Variants in IMMP2L observed in about 807,000 individuals in gnomAD.
IMMP2L encodes mitochondrial inner membrane protease subunit 2.
In IMMP2L, 18 loss-of-function variants were observed where a neutral mutation model predicts 19.3. That is an observed-to-expected ratio of 0.93 (90% CI 0.64 to 1.38). IMMP2L has a LOEUF of 1.38. Ranked by LOEUF, IMMP2L falls within the 40% of genes most tolerant of loss-of-function variation. The pLI is 0.00. For missense variants in IMMP2L, 233 were observed against 218.2 expected, an observed-to-expected ratio of 1.07 and a Z score of -0.43; for synonymous variants, 76 against 73.0, an observed-to-expected ratio of 1.04 and a Z score of -0.21.
chr7:110,810,419 T>C (rs567378891), intron 5 of IMMP2L, among the ~76,000 whole-genome samples: 1 of 152,024 alleles, frequency 6.6e-6, no homozygotes, highest in Non-Finnish European at 1.5e-5. Flanking sequence ...ATTCCAAACA[T>C]CTTAATATAC....
chr7:111,328,988 G>T (rs926564824), intron 3 of IMMP2L, among the ~76,000 whole-genome samples: 4 of 151,734 alleles, frequency 2.6e-5, no homozygotes, highest in Non-Finnish European at 4.4e-5. Flanking sequence ...ACCTTGGTAA[G>T]ATCTCAGAAT....
intron 1 of IMMP2L, among the ~76,000 whole-genome samples, chr7:111,555,065 T>G (rs1791108560): frequency 2.0e-5 from 3 of 152,102 alleles, no homozygotes; most frequent in Admixed American, 1.3e-4. Context: ...ATAAATGCAT[T>G]AAGATCAGAT....
At chr7:110,980,913 T>TA (rs1821232739) in intron 3 of IMMP2L, among the ~76,000 whole-genome samples, 1 of 152,156 alleles carries the variant, frequency 6.6e-6, no homozygotes, top group Admixed American at 6.5e-5. Context: ...TGAAAAGAAA[T>TA]AAAATATTTG....
intron 5 of IMMP2L, among the ~76,000 whole-genome samples, chr7:110,788,981 C>T (rs1485651073): frequency 6.6e-6 from 1 of 151,758 alleles, no homozygotes; most frequent in Non-Finnish European, 1.5e-5. Flanking sequence ...GTCAGTCAGT[C>T]TTGGAACTTA....
intron 4 of IMMP2L, among the ~76,000 whole-genome samples, chr7:110,922,856 C>G (rs1319711182): frequency 2.0e-5 from 3 of 152,142 alleles, no homozygotes; most frequent in Non-Finnish European, 4.4e-5. Flanking sequence ...GATTGATTGT[C>G]AAGACCTTCA....
chr7:111,259,687 T>C (rs1817105075), intron 3 of IMMP2L, among the ~76,000 whole-genome samples: 1 of 151,946 alleles, frequency 6.6e-6, no homozygotes, highest in Non-Finnish European at 1.5e-5. Context: ...TAAGCTTAAC[T>C]TACCGCATAT....
chr7:111,541,446 A>G (rs894810773), intron 1 of IMMP2L, among the ~76,000 whole-genome samples: 12 of 152,226 alleles, frequency 7.9e-5, no homozygotes, highest in African/African-American at 1.4e-4. Flanking sequence ...AGCAGCAAAG[A>G]TAAGTTATGG....
At chr7:110,802,323 ATGTGTGTATGTGTG>A (rs946706036) in intron 5 of IMMP2L, among the ~76,000 whole-genome samples, 4 of 74,536 alleles carry the variant, frequency 5.4e-5, no homozygotes, top group South Asian at 6.9e-4. Flanking sequence ...GTATGTGTGT[ATGTGTGTATGTGTG>A]TGTGTGTGTG....
chr7:110,681,766 C>A (rs888183696), intron 5 of IMMP2L, among the ~76,000 whole-genome samples: 1 of 152,044 alleles, frequency 6.6e-6, no homozygotes, highest in Non-Finnish European at 1.5e-5. Context: ...AAGCTTGACC[C>A]ATGCAATGTG....
At chr7:111,043,543 C>G (rs1792095644) in intron 3 of IMMP2L, among the ~76,000 whole-genome samples, 1 of 152,154 alleles carries the variant, frequency 6.6e-6, no homozygotes. Context: ...TGAGAGTTTT[C>G]TTTAGGTACA....
intron 3 of IMMP2L, among the ~76,000 whole-genome samples, chr7:111,073,137 G>C (rs1189194479): frequency 1.3e-5 from 2 of 152,090 alleles, no homozygotes; most frequent in African/African-American, 4.8e-5. Flanking sequence ...AAGGATGTCG[G>C]GTTAAAGGGT....
At chr7:111,461,322 A>G (rs1394144542) in intron 3 of IMMP2L, among the ~76,000 whole-genome samples, 2 of 152,088 alleles carry the variant, frequency 1.3e-5, no homozygotes, top group Non-Finnish European at 2.9e-5. Flanking sequence ...GTTCCAAGTG[A>G]AGCACATTTA....
chr7:110,844,358 T>C (rs1224251760), intron 5 of IMMP2L, among the ~76,000 whole-genome samples: 1 of 151,978 alleles, frequency 6.6e-6, no homozygotes, highest in Non-Finnish European at 1.5e-5. Context: ...GAGATAAACA[T>C]GGAACTAGAT....
intron 5 of IMMP2L, among the ~76,000 whole-genome samples, chr7:110,701,715 G>A (rs554433382): frequency 5.3e-5 from 8 of 152,072 alleles, no homozygotes; most frequent in African/African-American, 1.2e-4. Context: ...GTGAGCCACC[G>A]TGCCCAGACG....
chr7:110,927,919 T>C (rs1366161327), intron 4 of IMMP2L, among the ~76,000 whole-genome samples: 1 of 152,120 alleles, frequency 6.6e-6, no homozygotes, highest in Non-Finnish European at 1.5e-5. Context: ...TTTTGGCCAG[T>C]AGGAAGCTCA....
chr7:111,039,113 A>AT (rs1240303266), intron 3 of IMMP2L, among the ~76,000 whole-genome samples: 2 of 152,344 alleles, frequency 1.3e-5, no homozygotes, highest in African/African-American at 4.8e-5. Flanking sequence ...CTTTGGAGGC[A>AT]TAAAGATAGC....
intron 3 of IMMP2L, among the ~76,000 whole-genome samples, chr7:111,295,217 A>T (rs1288167235): frequency 1.3e-5 from 2 of 151,962 alleles, no homozygotes; most frequent in African/African-American, 4.8e-5. Context: ...AGCATTCATA[A>T]CTATATTAGA....
intron 5 of IMMP2L, among the ~76,000 whole-genome samples, chr7:110,876,142 G>A (rs1289101520): frequency 6.6e-6 from 1 of 152,056 alleles, no homozygotes; most frequent in Non-Finnish European, 1.5e-5. Context: ...ATATATTTGT[G>A]TACGTTTTAA....
chr7:111,048,701 C>T (rs1792691547), intron 3 of IMMP2L, among the ~76,000 whole-genome samples: 1 of 152,068 alleles, frequency 6.6e-6, no homozygotes, highest in Non-Finnish European at 1.5e-5. Context: ...TGATTATTAA[C>T]GTGAACTCTG....
Sources: allele counts gnomAD v4.1 joint callset (sites outside exome capture counted in the v4.1 genomes callset), GRCh38; gene constraint gnomAD v4.1.1; transcripts MANE v1.5; gene names NCBI Gene and HGNC (gene_info 2026-07-23, HGNC 2026-07-21).